Variants in GALNT9 observed in about 807,000 individuals in gnomAD.
GALNT9 encodes GalNAc transferase 9.
Under a neutral mutation model 63.1 loss-of-function variants are expected in GALNT9, and 47 were observed. The ratio of observed to expected loss-of-function variants is 0.75; its 90% CI spans 0.59 to 0.95. The LOEUF (loss-of-function observed/expected upper bound fraction) is 0.95. GALNT9 is among the 40% of genes least tolerant of loss of function. GALNT9 has a pLI of 0.00. For missense variants in GALNT9, 829 were observed against 874.8 expected (o/e 0.95, Z 0.66); for synonymous variants, 396 against 365.7 (o/e 1.08, Z -0.94).
chr12:132,290,466 G>T (rs564931065), intron 1 of GALNT9, among the ~76,000 whole-genome samples: 2 of 152,252 alleles, frequency 1.3e-5, no homozygotes, highest in Admixed American at 1.3e-4. Flanking sequence ...GCTGTCCTCT[G>T]CCCAGTCCAG....
rs1223300203 is a variant in GALNT9 at position 132,226,663 on chromosome 12, CCACA to C, written c.1077+21243_1077+21246del. Among the ~76,000 whole-genome samples, 489 of 134,146 alleles carry C rather than the reference CCACA, an allele frequency of 3.6e-3. 16 individuals are homozygous for C. In the East Asian group the frequency reaches 0.056, roughly 15 times the overall value. 88.0% of individuals were successfully genotyped at this position (134,146 alleles called of 152,430 possible). ...CCCCATGCACCCCCATATACACACC[CCACA>C]CACACTGTACATACACACCAAACAC... is the stretch of plus-strand genomic sequence containing the variant. On this transcript the variant is annotated intron_variant, in intron 6 of 10. Coordinates refer to ENST00000328957, the MANE Select transcript of GALNT9 (RefSeq NM_001122636.2).
chr12:132,211,716 G>T lies in GALNT9; in HGVS notation c.1078-8026C>A, dbSNP rs1876962760. On this transcript the variant is annotated intron_variant, in intron 6 of 10. Transcript: ENST00000328957. ...AGCATTTCCCCCTCTCCGTCGAGGG[G>T]ACCCTGGGGCAGGTCCTTCAAGAGC... 2.0e-5 allele frequency among the ~76,000 whole-genome samples: 3 copies of T among 152,320 alleles called. No homozygotes were observed. In the South Asian group the frequency reaches 6.2e-4, roughly 32 times the overall value.
intron 6 of GALNT9, chr12:132,205,434 C>T (rs1483399378): frequency 1.3e-5 from 2 of 152,226 alleles, no homozygotes; most frequent in Non-Finnish European, 2.9e-5. Context: ...CCCTCCTCGC[C>T]GAGATGACCA....
intron 6 of GALNT9, among the ~76,000 whole-genome samples, chr12:132,215,422 C>A (rs866519855): frequency 8.5e-5 from 13 of 152,202 alleles, no homozygotes; most frequent in Admixed American, 6.5e-5. Context: ...TGGGTGTGGC[C>A]CTCGCTCTTG....
rs761220333 is a variant in GALNT9, at chr12:132,221,658, C to CAAA, written c.1078-17971_1078-17969dup. On this transcript the variant is annotated intron_variant, in intron 6 of 10. Transcript: ENST00000328957. ...CCTGGGTGACAGAGTGAGACGTTCT[C>CAAA]AAAAAAAAAAAAAAAAAAAAGCAAG... 7.8e-4 allele frequency among the ~76,000 whole-genome samples: 62 copies of CAAA among 79,640 alleles called. 2 individuals are homozygous for CAAA. Among genetic ancestry groups the CAAA allele is most frequent in the African/African-American group, 2.7e-3 (52 of 19,282 alleles). The allele number at this position is 79,640 out of a possible 152,430, so 52.2% of individuals were successfully genotyped here. A position where few individuals can be genotyped will look rare whatever the true frequency, so the allele number is the denominator to read the frequency against.
At chr12:132,290,621 C>T (rs1880776903) in intron 1 of GALNT9, among the ~76,000 whole-genome samples, 1 of 138,748 alleles carries the variant, frequency 7.2e-6, no homozygotes, top group African/African-American at 2.9e-5. Context: ...GCACCCACAA[C>T]CACAGTGCCC....
chr12:132,218,143 C>T (rs1208569320), intron 6 of GALNT9, among the ~76,000 whole-genome samples: 1 of 152,200 alleles, frequency 6.6e-6, no homozygotes, highest in Non-Finnish European at 1.5e-5. Flanking sequence ...TTCTTTCACC[C>T]ACTCATCCAT....
At chr12:132,227,210 G>A (rs1277962798) in intron 6 of GALNT9, among the ~76,000 whole-genome samples, 4 of 152,144 alleles carry the variant, frequency 2.6e-5, no homozygotes, top group East Asian at 1.9e-4. Context: ...AGGAAGAATC[G>A]TTTCTGTGCC....
chr12:132,294,180 GTCT>G (rs1231526444), intron 1 of GALNT9, among the ~76,000 whole-genome samples: 5 of 152,178 alleles, frequency 3.3e-5, no homozygotes, highest in African/African-American at 9.7e-5. Flanking sequence ...GGGGCACCAG[GTCT>G]TCACCATTGA....
At chr12:132,292,780 G>C (rs1880910027) in intron 1 of GALNT9, among the ~76,000 whole-genome samples, 2 of 152,342 alleles carry the variant, frequency 1.3e-5, no homozygotes, top group South Asian at 2.1e-4. Context: ...AAGGGAAGGA[G>C]GGTGGGGAGA....
intron 5 of GALNT9, among the ~76,000 whole-genome samples, chr12:132,248,542 T>A (rs773605961): frequency 6.6e-6 from 1 of 152,202 alleles, no homozygotes; most frequent in East Asian, 1.9e-4. Context: ...ATTTCCCAAG[T>A]TCGAGTGAGT....
intron 4 of GALNT9, among the ~76,000 whole-genome samples, chr12:132,258,916 T>C (rs1593089116): frequency 6.6e-6 from 1 of 151,926 alleles, no homozygotes; most frequent in Non-Finnish European, 1.5e-5. Context: ...GAGGCTGCAG[T>C]GAGAGGCTGG....
intron 2 of GALNT9, chr12:132,276,562 G>A (rs916078968): frequency 3.2e-5 from 5 of 154,678 alleles, no homozygotes; most frequent in Middle Eastern, 5.1e-4. Context: ...CTGACAGCCA[G>A]GCTGCTCAGG....
chr12:132,198,054 G>A (rs903247207), intron 9 of GALNT9, 95 bp from the exon 10 acceptor site: 33 of 1,062,246 alleles, frequency 3.1e-5, no homozygotes, highest in East Asian at 2.6e-4. Context: ...AGCTGCAAAC[G>A]GGGCCCTGCG....
In GALNT9 at chr12:132,236,379, TG is replaced by T. The variant is rs1555236332; in HGVS notation, c.1077+11530del. On this transcript the variant is annotated intron_variant, in intron 6 of 10. Coordinates refer to ENST00000328957, the MANE Select transcript of GALNT9 (RefSeq NM_001122636.2). The surrounding 1 kb of genome is among the most constrained non-coding windows in gnomAD (Gnocchi z 5.6). ...CTGCGGGCTCCAGGCCTGGTGTCTC[TG>T]GAGGGGGCCTCGGAACCGGAGGGGA... 1.3e-5 allele frequency among the ~76,000 whole-genome samples: 2 copies of T among 151,918 alleles called. No homozygotes were observed. Among genetic ancestry groups the T allele is most frequent in the African/African-American group, 4.8e-5 (2 of 41,334 alleles).
At chr12:132,224,693 C>G (rs1242822766) in intron 6 of GALNT9, among the ~76,000 whole-genome samples, 3 of 26,762 alleles carry the variant, frequency 1.1e-4, no homozygotes, top group Non-Finnish European at 1.8e-4. Context: ...ACACACCCCA[C>G]ACACTGTGCA....
At chr12:132,266,065 C>T (rs1163810855) in intron 2 of GALNT9, among the ~76,000 whole-genome samples, 1 of 149,160 alleles carries the variant, frequency 6.7e-6, no homozygotes, top group Non-Finnish European at 1.5e-5. Context: ...CAGCCAACCG[C>T]GGGCCTGTCT....
Position 132,265,597 on chromosome 12 carries a change from G to A in GALNT9, c.420-2972C>T, listed in dbSNP as rs1015854429. Among the ~76,000 whole-genome samples the A allele has an allele frequency of 2.0e-5, 3 of 152,120 alleles. No individual in the cohort carries two copies. Among genetic ancestry groups the A allele is most frequent in the South Asian group, 2.1e-4 (1 of 4,822 alleles). ...CCGGGCCCCTTTTGCAGCAGGCTTC[G>A]CAAGGTAAGCAGCCCCACAGGACAC... On this transcript the variant is annotated intron_variant, in intron 2 of 10. Coordinates refer to ENST00000328957, the MANE Select transcript of GALNT9 (RefSeq NM_001122636.2). This position sits in a 1 kb window ranked among gnomAD's most constrained non-coding sequence, Gnocchi z 5.3.
chr12:132,202,779 G>A (rs1272095294), intron 7 of GALNT9, among the ~76,000 whole-genome samples: 2 of 152,120 alleles, frequency 1.3e-5, no homozygotes, highest in Non-Finnish European at 2.9e-5. Context: ...GGCGGGATGG[G>A]TCGCGGCCAC....
Sources: gnomAD v4.1 joint callset for allele counts (sites outside exome capture counted in the v4.1 genomes callset) on GRCh38, gnomAD v4.1.1 for gene constraint, Gnocchi (gnomAD v3.1) non-coding constraint, MANE v1.5 for transcripts, NCBI Gene and HGNC (gene_info 2026-07-23, HGNC 2026-07-21) for gene names.